The following PAFAH1B1 variants were observed in gnomAD, a reference collection of about 807,000 sequenced individuals.
PAFAH1B1 encodes platelet activating factor acetylhydrolase 1b regulatory subunit 1.
In PAFAH1B1, 2 loss-of-function variants were observed where a neutral mutation model predicts 57.5. That is an observed-to-expected ratio of 0.03 (90% CI 0.01 to 0.11). The LOEUF is 0.11. Ranked by LOEUF, PAFAH1B1 falls within the 10% of genes least tolerant of loss-of-function variation. The pLI, the probability that PAFAH1B1 is intolerant of heterozygous loss-of-function variation, is 1.00. For synonymous variants in PAFAH1B1, 152 were observed against 169.6 expected, an observed-to-expected ratio of 0.90 and a Z score of 0.81; for missense variants, 257 against 512.0, an observed-to-expected ratio of 0.50 and a Z score of 4.81.
At chr17:2,605,623 C>A (rs541290903) in intron 1 of PAFAH1B1, among the ~76,000 whole-genome samples, 1 of 152,288 alleles carries the variant, frequency 6.6e-6, no homozygotes, top group Non-Finnish European at 1.5e-5. Flanking sequence ...TGCCGCGCCC[C>A]CCTTACTTAC....
At chr17:2,647,247 C>T (rs567251492) in intron 2 of PAFAH1B1, among the ~76,000 whole-genome samples, 1 of 152,090 alleles carries the variant, frequency 6.6e-6, no homozygotes, top group East Asian at 1.9e-4. Context: ...CTACTTGGGG[C>T]GGTGAGGGAG....
At chr17:2,607,587 C>T (rs142074325) in intron 1 of PAFAH1B1, among the ~76,000 whole-genome samples, 6 of 151,992 alleles carry the variant, frequency 3.9e-5, no homozygotes, top group Non-Finnish European at 7.4e-5. Flanking sequence ...CAGGTTCAAG[C>T]GATTGTCTGC....
At chr17:2,675,577 G>T (rs938675854) in intron 8 of PAFAH1B1, among the ~76,000 whole-genome samples, 1 of 151,754 alleles carries the variant, frequency 6.6e-6, no homozygotes, top group South Asian at 2.1e-4. Context: ...CAAGGCAGGA[G>T]GATCACTTGA....
chr17:2,606,106 G>A (rs531163562), intron 1 of PAFAH1B1, among the ~76,000 whole-genome samples: 19 of 152,172 alleles, frequency 1.2e-4, no homozygotes, highest in South Asian at 1.2e-3. Context: ...TGAGGTAGGC[G>A]GTATATTAGT....
chr17:2,638,895 A>T (rs976305243), intron 2 of PAFAH1B1, among the ~76,000 whole-genome samples: 1 of 149,602 alleles, frequency 6.7e-6, no homozygotes, highest in Non-Finnish European at 1.5e-5. Context: ...TTTTACCCTA[A>T]GCTTATTTTT....
In PAFAH1B1 at chr17:2,608,245, C is replaced by T. The variant is rs540485631; in HGVS notation, c.-191+14239C>T. ...GACTACAGACACGCACCACCATGCT[C>T]GGCTAATTTTTGTATTTTTAGTAGA... On this transcript the variant is annotated intron_variant, in intron 1 of 10. Coordinates refer to ENST00000397195, the MANE Select transcript of PAFAH1B1 (RefSeq NM_000430.4). Among the ~76,000 whole-genome samples the T allele has an allele frequency of 7.9e-5, 12 of 152,104 alleles. No homozygotes were observed. The South Asian group carries it at 2.1e-3, about 26-fold the overall frequency.
At chr17:2,602,968 AAC>A (rs2068162326) in intron 1 of PAFAH1B1, among the ~76,000 whole-genome samples, 1 of 152,154 alleles carries the variant, frequency 6.6e-6, no homozygotes, top group South Asian at 2.1e-4. Context: ...CACATACTTT[AAC>A]ACAGTTTGCT....
chr17:2,653,022 G>A (rs1011463006), intron 2 of PAFAH1B1, among the ~76,000 whole-genome samples: 27 of 152,128 alleles, frequency 1.8e-4, no homozygotes, highest in Admixed American at 1.2e-3. Context: ...AACCAACCCA[G>A]ATGTCCAACA....
chr17:2,613,471 CGG>C, intron 1 of PAFAH1B1: 1 of 241,346 alleles, frequency 4.1e-6, no homozygotes, highest in Middle Eastern at 6.0e-4. Flanking sequence ...GTGGCTGCAG[CGG>C]CAGAGCCATG....
intron 2 of PAFAH1B1, among the ~76,000 whole-genome samples, chr17:2,663,639 A>C (rs775505481): frequency 2.6e-5 from 4 of 151,796 alleles, no homozygotes; most frequent in Non-Finnish European, 5.9e-5. Flanking sequence ...TAACTGGATC[A>C]GATTGTTGGC....
rs532794628 is a variant in PAFAH1B1, at chr17:2,682,530, A to G, written c.*728A>G. Reference sequence around the variant, plus strand: ...TAATGCTTTGTAAACAGGTCAAAAAATACTGTCATACTCTAAGCTTCTATT... The same window carrying G: ...TAATGCTTTGTAAACAGGTCAAAAAGTACTGTCATACTCTAAGCTTCTATT... On this transcript the variant is annotated 3_prime_UTR_variant, in exon 11 of 11. Transcript: ENST00000397195. 14 of 152,784 alleles carry G rather than the reference A, an allele frequency of 9.2e-5. No homozygotes were observed. Among genetic ancestry groups the G allele is most frequent in the Admixed American group, 7.2e-4 (11 of 15,300 alleles). 9.5% of individuals were successfully genotyped at this position (152,784 alleles called of 1,614,324 possible). A position where few individuals can be genotyped will look rare whatever the true frequency, so the allele number is the denominator to read the frequency against.
chr17:2,638,218 T>G lies in PAFAH1B1; in HGVS notation c.-71T>G. 7.8e-7 allele frequency: 1 copy of G among 1,283,438 alleles called. No homozygotes were observed. Among genetic ancestry groups the G allele is most frequent in the Admixed American group, 1.7e-5 (1 of 57,254 alleles). 79.5% of individuals were successfully genotyped at this position (1,283,438 alleles called of 1,614,324 possible). ...CATATTTAAATTATAAGTCCACGGA[T>G]CAAAAAGCTTTTTGATTTCCCAAAG... On this transcript the variant is annotated 5_prime_UTR_variant, in exon 2 of 11. Coordinates refer to ENST00000397195, the MANE Select transcript of PAFAH1B1 (RefSeq NM_000430.4).
chr17:2,652,233 A>AC (rs1425871205), intron 2 of PAFAH1B1, among the ~76,000 whole-genome samples: 4 of 151,634 alleles, frequency 2.6e-5, no homozygotes, highest in Non-Finnish European at 4.4e-5. Context: ...ACACGGTGAA[A>AC]CCCCGTCTCT....
At chr17:2,624,544 G>A (rs753467374) in intron 1 of PAFAH1B1, among the ~76,000 whole-genome samples, 4 of 152,138 alleles carry the variant, frequency 2.6e-5, no homozygotes, top group Admixed American at 6.5e-5. Flanking sequence ...AAATGAGGAA[G>A]AAGCAAAAAT....
At chr17:2,644,905 C>T (rs1460084373) in intron 2 of PAFAH1B1, among the ~76,000 whole-genome samples, 1 of 152,166 alleles carries the variant, frequency 6.6e-6, no homozygotes, top group Non-Finnish European at 1.5e-5. Context: ...AGAGGAGAAC[C>T]TAATTTCAGA....
intron 1 of PAFAH1B1, among the ~76,000 whole-genome samples, chr17:2,609,980 A>T (rs2068249087): frequency 6.6e-6 from 1 of 152,132 alleles, no homozygotes; most frequent in Non-Finnish European, 1.5e-5. Context: ...GTGTGCTACC[A>T]TGCCCTGCTA....
rs2069363952 is a variant in PAFAH1B1, at chr17:2,680,402, G to T, written c.1159+82G>T. 2.4e-6 allele frequency: 3 copies of T among 1,270,906 alleles called. No individual in the cohort carries two copies. In the Admixed American group the frequency reaches 5.0e-5, roughly 21 times the overall value. The allele number at this position is 1,270,906 out of a possible 1,614,324, so 78.7% of individuals were successfully genotyped here. A position where few individuals can be genotyped will look rare whatever the true frequency, so the allele number is the denominator to read the frequency against. On this transcript the variant is annotated intron_variant, in intron 10 of 10. Transcript: ENST00000397195. The stretch of plus-strand genomic sequence containing the variant: ...TGTTTTACATAATCGTGTGGACTTT[G>T]CCAGGTAAGAAATGACTGTGCTTTC...
chr17:2,659,127 T>G (rs2068978722), intron 2 of PAFAH1B1, among the ~76,000 whole-genome samples: 1 of 152,040 alleles, frequency 6.6e-6, no homozygotes, highest in African/African-American at 2.4e-5. Context: ...GGCACGTGCC[T>G]GTAGTCTCAG....
At chr17:2,673,885 A>G in intron 7 of PAFAH1B1, 175 bp from the exon 8 acceptor site, 2 of 599,822 alleles carry the variant, frequency 3.3e-6, no homozygotes, top group Admixed American at 2.8e-5. Flanking sequence ...CCTTAATGAT[A>G]TGTCTGTTAG....
Sources: allele counts gnomAD v4.1 joint callset (sites outside exome capture counted in the v4.1 genomes callset), GRCh38; gene constraint gnomAD v4.1.1; transcripts MANE v1.5; gene names NCBI Gene and HGNC (gene_info 2026-07-23, HGNC 2026-07-21).